The following SI variants were observed in gnomAD, a reference collection of about 807,000 sequenced individuals.
The protein encoded by SI is sucrase-isomaltase.
A neutral mutation model predicts 253.3 loss-of-function variants in SI; 235 were observed. That is an observed-to-expected ratio of 0.93 (90% CI 0.83 to 1.03). The LOEUF is 1.03. Ranked by LOEUF, SI falls within the 50% of genes least tolerant of loss-of-function variation. SI has a pLI of 0.00. For synonymous variants in SI, 819 were observed against 712.0 expected (o/e 1.15, Z -2.39); for missense variants, 2,442 against 2,211.1 (o/e 1.10, Z -2.09).
At chr3:165,054,781 C>T (rs541834170) in intron 13 of SI, among the ~76,000 whole-genome samples, 63 of 152,258 alleles carry the variant, frequency 4.1e-4, no homozygotes, top group African/African-American at 1.5e-3. Flanking sequence ...AGAGAAGTCT[C>T]TAAAGGGCAG....
chr3:165,025,785 T>A (rs940474299), intron 25 of SI, among the ~76,000 whole-genome samples: 1 of 151,380 alleles, frequency 6.6e-6, no homozygotes, highest in African/African-American at 2.4e-5. Flanking sequence ...GACAAACAAA[T>A]GCTGAGAGAA....
chr3:164,996,596 C>T lies in SI; in HGVS notation c.4631G>A (p.Arg1544His), dbSNP rs1340078396. The change falls in exon 40 of 48, where the codon CGC (arginine) becomes CAC (histidine). Residue 1544 changes from arginine to histidine, a missense_variant. By Grantham distance (29) the Arg-to-His change is conservative. Coordinates refer to ENST00000264382, the MANE Select transcript of SI (RefSeq NM_001041.4). ...ATAAAATGCTCCAAGTTGCATCCAG[C>T]GGGTACAGAGATGATATTCTGAGTT... The part of the protein sequence containing the change: ...FNNSEYHLCT[R>H]WMQLGAFYPY... 6.2e-6 allele frequency: 10 copies of T among 1,609,692 alleles called. No homozygotes were observed. Among genetic ancestry groups the T allele is most frequent in the East Asian group, 4.5e-5 (2 of 44,714 alleles).
intron 20 of SI, among the ~76,000 whole-genome samples, chr3:165,038,421 T>C (rs1294182422): frequency 1.3e-5 from 2 of 151,600 alleles, no homozygotes; most frequent in Admixed American, 6.6e-5. Context: ...TTAAAATAAA[T>C]ATTGCAGGCC....
chr3:165,038,039 A>G lies in SI; in HGVS notation c.2302-15T>C. The G allele has an allele frequency of 6.4e-7, 1 of 1,574,400 alleles. No homozygotes were observed. Among genetic ancestry groups the G allele is most frequent in the South Asian group, 1.1e-5 (1 of 90,194 alleles). On this transcript the variant is annotated splice_polypyrimidine_tract_variant and intron_variant, in intron 20 of 47. Coordinates refer to ENST00000264382, the MANE Select transcript of SI (RefSeq NM_001041.4). ...CTTTTTGCACCCTAATAATTGGAAG[A>G]TTAAAAACATTCTTAATATTATTGA...
Position 164,991,361 on chromosome 3 carries a change from T to C in SI, c.5100A>G (p.Thr1700=). 6.2e-7 allele frequency: 1 copy of C among 1,613,786 alleles called. No homozygotes were observed. The highest frequency in any genetic ancestry group is 8.5e-7 in the Non-Finnish European group (1 of 1,179,778). ...ILPCQEPAQN[T]FYSRQKHMKL... ...GTAAACAGTTCACTTACCTGTAAAA[T>C]GTGTTTTGAGCTGGCTCTTGACATG... is the stretch of plus-strand genomic sequence containing the variant. The change falls in exon 44 of 48, where the codon ACA becomes ACG. Residue 1700 remains threonine (T), a synonymous_variant. Transcript: ENST00000264382.
intron 41 of SI, among the ~76,000 whole-genome samples, chr3:164,992,808 G>A (rs1376888114): frequency 6.6e-6 from 1 of 151,754 alleles, no homozygotes; most frequent in Non-Finnish European, 1.5e-5. Context: ...TTTAAAAAGA[G>A]TTTGCTTATC....
Position 165,065,289 on chromosome 3 carries a change from A to T in SI, c.779T>A (p.Ile260Asn). Residue 260 changes from isoleucine (I) to asparagine (N), a missense_variant, in exon 7 of 48, where the codon ATT becomes AAT. Physicochemically the swap from Ile to Asn is moderately radical, Grantham distance 149 (BLOSUM62 -3). Coordinates refer to ENST00000264382, the MANE Select transcript of SI (RefSeq NM_001041.4). ...RHDLSWKTWP[I>N]FTRDQLPGDN... ...ACCAGGAAGTTGGTCTCGAGTAAAA[A>T]TTGGCCATGTTTTCCAGGATAAATC... The T allele has an allele frequency of 6.2e-7, 1 of 1,607,884 alleles. No homozygotes were observed. Among genetic ancestry groups the T allele is most frequent in the Non-Finnish European group, 8.5e-7 (1 of 1,175,996 alleles).
Position 165,034,161 on chromosome 3 carries a change from C to A in SI, c.2516-717G>T, listed in dbSNP as rs1264668464. On this transcript the variant is annotated intron_variant, in intron 22 of 47. Coordinates refer to ENST00000264382, the MANE Select transcript of SI (RefSeq NM_001041.4). The stretch of plus-strand genomic sequence containing the variant: ...CTAGGAAATAATATTATATTCAGAA[C>A]CTGAACTGAAGATCACTTTACTGTC... 2.6e-5 allele frequency among the ~76,000 whole-genome samples: 4 copies of A among 151,696 alleles called. No individual in the cohort carries two copies. The South Asian group carries it at 8.3e-4, about 31-fold the overall frequency.
intron 3 of SI, among the ~76,000 whole-genome samples, chr3:165,072,155 T>A (rs1714619089): frequency 6.6e-6 from 1 of 151,294 alleles, no homozygotes; most frequent in Admixed American, 6.6e-5. Context: ...AAGATAAATC[T>A]TTTTTTTTAA....
intron 15 of SI, among the ~76,000 whole-genome samples, chr3:165,047,787 C>T (rs548602451): frequency 5.3e-5 from 8 of 151,796 alleles, no homozygotes; most frequent in Admixed American, 2.6e-4. Context: ...ATATTTATTT[C>T]GACATTTTCA....
the SI span, among the ~76,000 whole-genome samples, chr3:165,083,994 T>C: frequency 6.6e-6 from 1 of 152,196 alleles, no homozygotes; most frequent in East Asian, 1.9e-4. Context: ...GATGGTGCTA[T>C]GGTCTGAAGG....
At chr3:165,076,822 A>G (rs1715012983) in intron 1 of SI, among the ~76,000 whole-genome samples, 1 of 151,624 alleles carries the variant, frequency 6.6e-6, no homozygotes, top group South Asian at 2.1e-4. Context: ...AATTTTGACC[A>G]CATATATCTT....
chr3:165,052,325 CA>C, intron 13 of SI, among the ~76,000 whole-genome samples: 1 of 152,192 alleles, frequency 6.6e-6, no homozygotes, highest in African/African-American at 2.4e-5. Flanking sequence ...AGTCATGAGG[CA>C]AAAGCCTCAG....
chr3:165,053,661 T>C (rs1033442229), intron 13 of SI, among the ~76,000 whole-genome samples: 4 of 152,272 alleles, frequency 2.6e-5, no homozygotes, highest in African/African-American at 9.6e-5. Flanking sequence ...TCCCACACTT[T>C]GGAGGTGAAT....
Position 165,023,765 on chromosome 3 carries a change from T to TA in SI, c.2903dup (p.Ser969IlefsTer5). On this transcript the variant is annotated frameshift_variant, in exon 26 of 48. Transcript: ENST00000264382. LOFTEE classifies it high-confidence loss of function. ...GAAAGTAACACTCAGGTGCTTTGGA[T>TA]AGAGAAGAACCCTAAAAACACAATG... 6.2e-7 allele frequency: 1 copy of TA among 1,609,464 alleles called. No homozygotes were observed. The highest frequency in any genetic ancestry group is 8.5e-7 in the Non-Finnish European group (1 of 1,176,882).
chr3:164,999,020 C>T (rs536108645), intron 37 of SI, among the ~76,000 whole-genome samples: 5 of 151,928 alleles, frequency 3.3e-5, no homozygotes, highest in African/African-American at 1.2e-4. Flanking sequence ...TTAATAAAGG[C>T]TTATGCTCTA....
Position 164,987,188 on chromosome 3 carries a change from T to C in SI, c.5147A>G (p.Asp1716Gly). The change falls in exon 45 of 48, where the codon GAT (aspartate) becomes GGT (glycine). Residue 1716 changes from aspartate to glycine, a missense_variant. Coordinates refer to ENST00000264382, the MANE Select transcript of SI (RefSeq NM_001041.4). ...CAGAGAACCCTGTGCCATCTGATTA[T>C]CATCTGCAGCAACAATGAGCTTCAT... Reference protein sequence around the residue: ...KHMKLIVAADDNQMAQGSLFW... With the variant: ...KHMKLIVAADGNQMAQGSLFW... 1.2e-6 allele frequency: 2 copies of C among 1,613,806 alleles called. No homozygotes were observed. Among genetic ancestry groups the C allele is most frequent in the Non-Finnish European group, 8.5e-7 (1 of 1,179,810 alleles).
In SI at chr3:165,075,034, A is replaced by G. The variant is rs531426683; in HGVS notation, c.119-367T>C. On this transcript the variant is annotated intron_variant, in intron 2 of 47. Coordinates refer to ENST00000264382, the MANE Select transcript of SI (RefSeq NM_001041.4). ...GCAATATGAGTTATGAAAAACATATAGAGAAGGTGAGAAGAAATTAGAGAA... is the reference window on the plus strand; with the variant it reads ...GCAATATGAGTTATGAAAAACATATGGAGAAGGTGAGAAGAAATTAGAGAA... 2.6e-5 allele frequency among the ~76,000 whole-genome samples: 4 copies of G among 152,164 alleles called. No individual in the cohort carries two copies. The South Asian group carries it at 6.2e-4, about 24-fold the overall frequency.
At chr3:165,074,469 C>T (rs1441135646) in intron 3 of SI, 62 bp downstream of exon 3, 6 of 1,029,884 alleles carry the variant, frequency 5.8e-6, no homozygotes, top group Non-Finnish European at 8.2e-6. Flanking sequence ...CAATATTCAG[C>T]AATTATCTTA....
Sources: allele counts gnomAD v4.1 joint callset (sites outside exome capture counted in the v4.1 genomes callset), GRCh38; gene constraint gnomAD v4.1.1; transcripts MANE v1.5; gene names NCBI Gene and HGNC (gene_info 2026-07-23, HGNC 2026-07-21).